ATXN7: variants seen among roughly 807,000 people sequenced by gnomAD.
ATXN7 encodes ataxin-7.
A neutral mutation model predicts 70.5 loss-of-function variants in ATXN7; 12 were observed. That is an observed-to-expected ratio of 0.17 (90% CI 0.11 to 0.28). ATXN7 has a LOEUF of 0.28. Among genes scored for constraint, ATXN7 ranks in the 10% least tolerant of loss-of-function variants. The probability of loss-of-function intolerance (pLI) is 1.00; values close to 1 mark genes in which losing one functional copy is unlikely to be tolerated. For missense variants in ATXN7, 1,256 were observed against 1,131.7 expected (o/e 1.11, Z -1.58); for synonymous variants, 498 against 448.7 (o/e 1.11, Z -1.39).
Position 63,912,704 on chromosome 3 carries a change from C to G in ATXN7, c.106C>G (p.Gln36Glu). 2 of 1,191,814 alleles carry G rather than the reference C, an allele frequency of 1.7e-6. No homozygotes were observed. Among genetic ancestry groups the G allele is most frequent in the African/African-American group, 1.6e-5 (1 of 61,370 alleles). The allele number at this position is 1,191,814 out of a possible 1,614,324, so 73.8% of individuals were successfully genotyped here. A position where few individuals can be genotyped will look rare whatever the true frequency, so the allele number is the denominator to read the frequency against. ...AAARQQQQQQQQQQPPPPQPQ... is the reference protein window; with the variant it reads ...AAARQQQQQQEQQQPPPPQPQ... ...CGCCCGGCAGCAGCAGCAGCAGCAG[C>G]AGCAGCAGCAGCCGCCGCCTCCGCA... is the stretch of plus-strand genomic sequence containing the variant. Residue 36 changes from glutamine (Q) to glutamate (E), a missense_variant, in exon 3 of 13, where the codon CAG becomes GAG. Coordinates refer to ENST00000674280, the MANE Select transcript of ATXN7 (RefSeq NM_001377405.1).
intron 4 of ATXN7, among the ~76,000 whole-genome samples, chr3:63,921,551 G>A (rs1471435312): frequency 1.3e-5 from 2 of 152,192 alleles, no homozygotes; most frequent in Non-Finnish European, 1.5e-5. Flanking sequence ...GAGTACCATA[G>A]CTTTAAATCA....
intron 6 of ATXN7, 125 bp from the exon 7 acceptor site, chr3:63,982,061 C>A: frequency 7.8e-7 from 1 of 1,281,470 alleles, no homozygotes; most frequent in African/African-American, 1.9e-5. Flanking sequence ...AGGAGCCTTC[C>A]AAGAGGCTGG....
chr3:63,976,047 C>T (rs942795997), intron 5 of ATXN7, among the ~76,000 whole-genome samples: 13 of 152,244 alleles, frequency 8.5e-5, no homozygotes, highest in African/African-American at 2.9e-4. Flanking sequence ...GCTTTGAAAA[C>T]TCAACTTGGA....
intron 4 of ATXN7, among the ~76,000 whole-genome samples, chr3:63,933,545 T>C (rs2074597597): frequency 1.3e-5 from 2 of 152,160 alleles, no homozygotes; most frequent in South Asian, 4.1e-4. Context: ...GCCTCCACAG[T>C]CTCAAAAGCA....
intron 4 of ATXN7, among the ~76,000 whole-genome samples, chr3:63,914,757 C>T (rs1704192467): frequency 6.6e-6 from 1 of 152,152 alleles, no homozygotes; most frequent in South Asian, 2.1e-4. Context: ...CAGTGGGTAC[C>T]TTGAGCTGGA....
chr3:63,993,304 T>G (rs1360520756), intron 11 of ATXN7, among the ~76,000 whole-genome samples: 2 of 148,914 alleles, frequency 1.3e-5, no homozygotes, highest in Non-Finnish European at 3.0e-5. Flanking sequence ...TTTTACTTTT[T>G]GAAATGGTAA....
chr3:63,983,047 C>T (rs754080640), intron 8 of ATXN7, 26 bp downstream of exon 8: 22 of 1,578,256 alleles, frequency 1.4e-5, no homozygotes, highest in East Asian at 2.2e-5. Context: ...AAAGTCAAGT[C>T]GACCATCCTG....
chr3:63,944,003 G>A (rs2074814567), intron 4 of ATXN7, among the ~76,000 whole-genome samples: 1 of 152,082 alleles, frequency 6.6e-6, no homozygotes, highest in Non-Finnish European at 1.5e-5. Flanking sequence ...TTGCAGTATT[G>A]GCCCTCTGCT....
In ATXN7 at chr3:63,958,236, T is replaced by C. The variant is rs550012424; in HGVS notation, c.499+5753T>C. ...TGGACTTAATGTTCCTTGATATGCA[T>C]TGAGGTGGTTTGGATTCTTTTAGAT... On this transcript the variant is annotated intron_variant, in intron 5 of 12. Coordinates refer to ENST00000674280, the MANE Select transcript of ATXN7 (RefSeq NM_001377405.1). Among the ~76,000 whole-genome samples the C allele has an allele frequency of 3.3e-5, 5 of 152,316 alleles. No individual in the cohort carries two copies. In the South Asian group the frequency reaches 8.3e-4, roughly 25 times the overall value.
chr3:63,989,804 T>G (rs2075638992), intron 9 of ATXN7, among the ~76,000 whole-genome samples: 1 of 152,166 alleles, frequency 6.6e-6, no homozygotes, highest in African/African-American at 2.4e-5. Context: ...CTATGTTTCA[T>G]TTATTGTGTA....
intron 4 of ATXN7, among the ~76,000 whole-genome samples, chr3:63,916,544 G>C (rs1489767382): frequency 6.6e-6 from 1 of 151,942 alleles, no homozygotes; most frequent in Admixed American, 6.5e-5. Flanking sequence ...ACTACCCAAG[G>C]GTTAATGCTG....
intron 11 of ATXN7, among the ~76,000 whole-genome samples, chr3:63,993,423 C>T (rs1190594073): frequency 6.7e-6 from 1 of 150,196 alleles, no homozygotes. Context: ...GCACTCCAGC[C>T]TGGGGGTGAC....
At chr3:63,976,219 A>G (rs1426815371) in intron 5 of ATXN7, among the ~76,000 whole-genome samples, 2 of 152,218 alleles carry the variant, frequency 1.3e-5, no homozygotes, top group Non-Finnish European at 2.9e-5. Flanking sequence ...CCTGTGAAAA[A>G]TAAGAGCTCA....
chr3:63,945,960 A>G (rs2074851951), intron 4 of ATXN7, among the ~76,000 whole-genome samples: 1 of 152,232 alleles, frequency 6.6e-6, no homozygotes, highest in African/African-American at 2.4e-5. Flanking sequence ...GAGTAACCAG[A>G]TGCAGAGAGG....
chr3:63,963,149 G>T (rs186097647), intron 5 of ATXN7, among the ~76,000 whole-genome samples: 12 of 151,968 alleles, frequency 7.9e-5, no homozygotes, highest in African/African-American at 2.9e-4. Flanking sequence ...CTCCTGGGCT[G>T]AAGCAATCCA....
In ATXN7 at chr3:63,999,558, G is replaced by A. The variant is rs943434782; in HGVS notation, c.*91G>A. 2 of 1,583,820 alleles carry A rather than the reference G, an allele frequency of 1.3e-6. No homozygotes were observed. The highest frequency in any genetic ancestry group is 2.7e-5 in the African/African-American group (2 of 74,278). On this transcript the variant is annotated 3_prime_UTR_variant, in exon 13 of 13. Coordinates refer to ENST00000674280, the MANE Select transcript of ATXN7 (RefSeq NM_001377405.1). The stretch of plus-strand genomic sequence containing the variant: ...GCACTCTGGACTCCACGATGCCTTT[G>A]AGTCTGTTTTCCCAACCTCCTGTGG...
At chr3:63,910,252 T>C (rs1156572366) in intron 2 of ATXN7, among the ~76,000 whole-genome samples, 2 of 152,218 alleles carry the variant, frequency 1.3e-5, no homozygotes, top group Non-Finnish European at 2.9e-5. Context: ...AGGACCATAC[T>C]TCATGTTTGC....
chr3:63,866,192 A>G (rs1408773606), intron 1 of ATXN7, among the ~76,000 whole-genome samples: 1 of 152,222 alleles, frequency 6.6e-6, no homozygotes, highest in African/African-American at 2.4e-5. Context: ...TAAGACCAAG[A>G]GGAATTTGAA....
At chr3:63,957,631 T>C (rs1303864046) in intron 5 of ATXN7, among the ~76,000 whole-genome samples, 1 of 152,272 alleles carries the variant, frequency 6.6e-6, no homozygotes, top group Non-Finnish European at 1.5e-5. Context: ...GTGCTGGCTC[T>C]GAGCCTGAGG....
Sources: allele counts gnomAD v4.1 joint callset (sites outside exome capture counted in the v4.1 genomes callset), GRCh38; gene constraint gnomAD v4.1.1; transcripts MANE v1.5; gene names NCBI Gene and HGNC (gene_info 2026-07-23, HGNC 2026-07-21).